Variants in ARHGAP27 observed in about 807,000 individuals in gnomAD.
ARHGAP27 encodes the protein Rho GTPase activating protein 27, also known as rho GTPase-activating protein 27.
Under a neutral mutation model 102.0 loss-of-function variants are expected in ARHGAP27, and 53 were observed. That is an observed-to-expected ratio of 0.52 (90% confidence interval 0.42 to 0.65). The LOEUF (loss-of-function observed/expected upper bound fraction) is 0.65, where lower values mean the gene tolerates loss of function less well. ARHGAP27 is among the 30% of genes least tolerant of loss of function. The pLI, the probability that ARHGAP27 is intolerant of heterozygous loss-of-function variation, is 0.00. For missense variants in ARHGAP27, 1,117 were observed against 1,256.2 expected (o/e 0.89, Z 1.68); for synonymous variants, 525 against 542.8 (o/e 0.97, Z 0.46).
At chr17:45,404,186 C>T in intron 9 of ARHGAP27, 83 bp downstream of exon 9, 1 of 1,608,662 alleles carries the variant, frequency 6.2e-7, no homozygotes, top group Non-Finnish European at 8.5e-7. Flanking sequence ...TCAGCTGCCA[C>T]TCTCTATGGT....
At chr17:45,404,234 C>A in intron 9 of ARHGAP27, 35 bp downstream of exon 9, 1 of 1,613,142 alleles carries the variant, frequency 6.2e-7, no homozygotes, top group Non-Finnish European at 8.5e-7. Context: ...CTCGCCAGCA[C>A]CACCACCTGG....
chr17:45,403,577 A>T (rs374285921), intron 11 of ARHGAP27, 42 bp downstream of exon 11: 15 of 1,465,562 alleles, frequency 1.0e-5, no homozygotes, highest in African/African-American at 7.1e-5. Flanking sequence ...AAAATAAAAA[A>T]AAGCAGATGG....
intron 3 of ARHGAP27, among the ~76,000 whole-genome samples, chr17:45,431,146 C>G (rs952395774): frequency 2.6e-5 from 4 of 152,096 alleles, no homozygotes; most frequent in African/African-American, 7.2e-5. Context: ...AGAATGCACT[C>G]TGAGACAGTG....
chr17:45,429,614 G>A lies in ARHGAP27; in HGVS notation c.657+9C>T. On this transcript the variant is annotated intron_variant, in intron 4 of 19. Coordinates refer to ENST00000685559, the MANE Select transcript of ARHGAP27 (RefSeq NM_001282290.2). ...ACCCGCCTCCGCGCCCCAGCGCCCG[G>A]GGAGGTACCTGCTCTGCGCTCTCCT... 3 of 1,577,312 alleles carry A rather than the reference G, an allele frequency of 1.9e-6. No homozygotes were observed. Among genetic ancestry groups the A allele is most frequent in the Non-Finnish European group, 2.6e-6 (3 of 1,161,622 alleles).
At chr17:45,412,960 A>ATGTTTTTTTTT (rs2048074926) in intron 4 of ARHGAP27, among the ~76,000 whole-genome samples, 1 of 95,962 alleles carries the variant, frequency 1.0e-5, no homozygotes, top group Admixed American at 1.3e-4. Flanking sequence ...GCTCAGTATA[A>ATGTTTTTTTTT]TCTTTTTTTT....
chr17:45,426,963 C>A (rs905266346), intron 4 of ARHGAP27, among the ~76,000 whole-genome samples: 6 of 152,176 alleles, frequency 3.9e-5, no homozygotes, highest in Non-Finnish European at 7.3e-5. Context: ...TCATGCTTCT[C>A]TTCCCTTTGG....
chr17:45,403,943 A>G, intron 10 of ARHGAP27, 86 bp downstream of exon 10: 1 of 1,453,320 alleles, frequency 6.9e-7, no homozygotes, highest in Non-Finnish European at 9.5e-7. Context: ...GTGAGGATTA[A>G]TAAGAGCCTG....
chr17:45,431,091 C>T (rs2050032837), intron 3 of ARHGAP27, among the ~76,000 whole-genome samples: 1 of 152,028 alleles, frequency 6.6e-6, no homozygotes, highest in Non-Finnish European at 1.5e-5. Context: ...GTGGCCTGTC[C>T]ACCTGCCCTG....
intron 4 of ARHGAP27, chr17:45,407,942 GTTTGTTTTTGT>G (rs1284158254): frequency 2.6e-5 from 4 of 152,110 alleles, no homozygotes; most frequent in Non-Finnish European, 5.9e-5. Context: ...GATTATAGGG[GTTTGTTTTTGT>G]TTTGTTTTCT....
chr17:45,396,028 G>T lies in ARHGAP27; in HGVS notation c.2341C>A (p.Pro781Thr), dbSNP rs1417109824. ...CGGAAGTGCGAGAAGGGGAAGAGGGGCTCGGGCAGCTCCCGAAAGAAGAGC... is the reference window on the plus strand; with the variant it reads ...CGGAAGTGCGAGAAGGGGAAGAGGGTCTCGGGCAGCTCCCGAAAGAAGAGC... ...LKLFFRELPE[P>T]LFPFSHFRQF... is the part of the protein sequence containing the mutation. Residue 781 changes from proline to threonine, a missense_variant, in exon 18 of 20, where the codon CCC becomes ACC. Pro to Thr is a conservative substitution (Grantham distance 38). This residue lies in a region of ARHGAP27 where 493 missense variants were observed against 505.5 expected (regional missense o/e 0.98). Coordinates refer to ENST00000685559, the MANE Select transcript of ARHGAP27 (RefSeq NM_001282290.2). The T allele has an allele frequency of 1.9e-6, 3 of 1,613,720 alleles. No individual in the cohort carries two copies.
chr17:45,412,763 G>A (rs1386003311), intron 4 of ARHGAP27, among the ~76,000 whole-genome samples: 1 of 152,112 alleles, frequency 6.6e-6, no homozygotes, highest in Non-Finnish European at 1.5e-5. Flanking sequence ...TCCAGGGGCA[G>A]GATCGGAGGA....
chr17:45,404,847 C>T, intron 6 of ARHGAP27, 77 bp downstream of exon 6: 1 of 1,602,600 alleles, frequency 6.2e-7, no homozygotes, highest in Non-Finnish European at 8.5e-7. Flanking sequence ...GTTTAGAGCA[C>T]TGAGGCGACC....
intron 4 of ARHGAP27, among the ~76,000 whole-genome samples, chr17:45,420,015 G>T (rs2048876284): frequency 6.6e-6 from 1 of 152,064 alleles, no homozygotes; most frequent in African/African-American, 2.4e-5. Flanking sequence ...TGTTGGTGAG[G>T]GCACATTGGT....
In ARHGAP27 at chr17:45,430,780, T is replaced by A. The variant is rs1243950042; in HGVS notation, c.-18-483A>T. Among the ~76,000 whole-genome samples the A allele has an allele frequency of 1.3e-5, 2 of 151,952 alleles. No individual in the cohort carries two copies. The highest frequency in any genetic ancestry group is 2.9e-5 in the Non-Finnish European group (2 of 67,990). On this transcript the variant is annotated intron_variant, in intron 3 of 19. Transcript: ENST00000685559. The surrounding 1 kb of genome is among the most constrained non-coding windows in gnomAD (Gnocchi z 4.4). ...GCCCGCAGAGAATCAGCAGAGGGTC[T>A]CGTAGCACTGCCTCCCTCCAGCAGC... is the stretch of plus-strand genomic sequence containing the variant.
intron 4 of ARHGAP27, chr17:45,429,205 T>G: frequency 2.8e-6 from 1 of 355,378 alleles, no homozygotes. Context: ...CTTGGAAAGA[T>G]AATATGGGGC....
intron 4 of ARHGAP27, among the ~76,000 whole-genome samples, chr17:45,414,524 A>G (rs926351853): frequency 6.8e-6 from 1 of 148,040 alleles, no homozygotes; most frequent in Non-Finnish European, 1.5e-5. Flanking sequence ...TGCAGCTTTG[A>G]CTTCTTGGAC....
chr17:45,408,083 G>A (rs1045002021), intron 4 of ARHGAP27: 1 of 150,422 alleles, frequency 6.6e-6, no homozygotes, highest in Non-Finnish European at 1.5e-5. Context: ...GGAAGCACCT[G>A]TTCAGGGTGG....
intron 4 of ARHGAP27, among the ~76,000 whole-genome samples, chr17:45,422,477 T>C (rs2049131216): frequency 6.6e-6 from 1 of 151,440 alleles, no homozygotes; most frequent in African/African-American, 2.4e-5. Context: ...AAAATGATAA[T>C]AGTAGGAAAT....
In ARHGAP27 at chr17:45,395,787, G is replaced by C. The variant is rs2045552489; in HGVS notation, c.2449C>G (p.Pro817Ala). 1 of 1,605,564 alleles carries C rather than the reference G, an allele frequency of 6.2e-7. No homozygotes were observed. Among genetic ancestry groups the C allele is most frequent in the East Asian group, 2.2e-5 (1 of 44,558 alleles). Residue 817 changes from proline (P) to alanine (A), a missense_variant, in exon 19 of 20, where the codon CCC (proline) becomes GCC (alanine). Physicochemically the swap from Pro to Ala is conservative, Grantham distance 27. Around this residue, in one of 3 missense-constraint regions of ARHGAP27, gnomAD observed 493 missense variants for 505.5 expected, o/e 0.98. Transcript: ENST00000685559. ...VRDLVRSLPA[P>A]NHDTLRMLFQ... ...AGCATCCGCAGAGTGTCGTGGTTGG[G>C]AGCGGGCAGCGAGCGCACCAAGTCA... is the stretch of plus-strand genomic sequence containing the variant.
Sources: allele counts gnomAD v4.1 joint callset (sites outside exome capture counted in the v4.1 genomes callset), GRCh38; gene constraint gnomAD v4.1.1; regional missense constraint gnomAD v4.1.1; non-coding constraint Gnocchi (gnomAD v3.1); transcripts MANE v1.5; gene names NCBI Gene and HGNC (gene_info 2026-07-23, HGNC 2026-07-21).